Variants in NRXN1 observed in about 807,000 individuals in gnomAD.
NRXN1 encodes neurexin 1, also known as neurexin-1.
Under a neutral mutation model 150.9 loss-of-function variants are expected in NRXN1, and 39 were observed. The observed-to-expected ratio is 0.26, with a 90% CI of 0.20 to 0.34. The LOEUF (loss-of-function observed/expected upper bound fraction) is 0.34, where lower values mean the gene tolerates loss of function less well. NRXN1 is among the 10% of genes least tolerant of loss of function. The probability of loss-of-function intolerance (pLI) is 1.00; values close to 1 mark genes in which losing one functional copy is unlikely to be tolerated. For synonymous variants in NRXN1, 924 were observed against 757.0 expected (o/e 1.22, Z -3.62); for missense variants, 1,815 against 1,949.9 (o/e 0.93, Z 1.30).
intron 14 of NRXN1, among the ~76,000 whole-genome samples, chr2:50,496,442 G>C (rs561370831): frequency 6.6e-6 from 1 of 151,992 alleles, no homozygotes; most frequent in African/African-American, 2.4e-5. Flanking sequence ...CATTCTTCTC[G>C]TTCTTGCACT....
intron 17 of NRXN1, among the ~76,000 whole-genome samples, chr2:50,391,014 TA>T (rs2081654154): frequency 6.6e-6 from 1 of 152,156 alleles, no homozygotes; most frequent in South Asian, 2.1e-4. Flanking sequence ...TTTATTCTAA[TA>T]TGCTCTGGAC....
intron 17 of NRXN1, among the ~76,000 whole-genome samples, chr2:50,351,600 T>C (rs2078416835): frequency 6.8e-6 from 1 of 147,650 alleles, no homozygotes; most frequent in Non-Finnish European, 1.5e-5. Context: ...TATGTGACTC[T>C]AAGAGGCTTT....
At chr2:50,252,062 C>A (rs7580753) in intron 17 of NRXN1, among the ~76,000 whole-genome samples, 62,362 of 151,484 alleles carry the variant, frequency 0.41, 13,046 homozygotes, top group Middle Eastern at 0.46. Flanking sequence ...TCAATGTTTG[C>A]TATTGTTGCC....
intron 5 of NRXN1, among the ~76,000 whole-genome samples, chr2:50,763,416 T>A (rs1400355143): frequency 6.6e-6 from 1 of 151,984 alleles, no homozygotes; most frequent in Non-Finnish European, 1.5e-5. Flanking sequence ...GGTGACTAAG[T>A]AAGATAATGC....
intron 8 of NRXN1, among the ~76,000 whole-genome samples, chr2:50,603,895 T>C (rs532427181): frequency 6.6e-6 from 1 of 152,264 alleles, no homozygotes; most frequent in South Asian, 2.1e-4. Flanking sequence ...GAAGCCAGTT[T>C]TGTTAGTTCC....
intron 5 of NRXN1, among the ~76,000 whole-genome samples, chr2:50,698,232 T>C (rs1225673547): frequency 6.6e-6 from 1 of 152,234 alleles, no homozygotes; most frequent in African/African-American, 2.4e-5. Context: ...TCCTCAAATG[T>C]TGTCCAAGGA....
At chr2:50,185,532 T>C (rs2061009394) in intron 18 of NRXN1, 1 of 152,076 alleles carries the variant, frequency 6.6e-6, no homozygotes. Flanking sequence ...TAGAAATAAA[T>C]GCATGATACC....
At position 50,920,266 on chromosome 2, in the gene NRXN1, G is replaced by A. The variant is rs1685811634; in HGVS notation, c.832+1603C>T. Among the ~76,000 whole-genome samples the A allele has an allele frequency of 4.0e-5, 6 of 151,686 alleles. No homozygotes were observed. The South Asian group carries it at 1.2e-3, about 31-fold the overall frequency. On this transcript the variant is annotated intron_variant, in intron 5 of 22. Coordinates refer to ENST00000401669, the MANE Select transcript of NRXN1 (RefSeq NM_001330078.2). ...CTGGTGAAGTTAAAAAATAATGTTT[G>A]ACACACATGCCAACAGAAAACATTT...
intron 1 of NRXN1, among the ~76,000 whole-genome samples, chr2:51,031,595 T>C (rs1236007370): frequency 6.6e-6 from 1 of 152,140 alleles, no homozygotes; most frequent in Admixed American, 6.6e-5. Flanking sequence ...GCTCCATCTC[T>C]AATACCAGTG....
At chr2:50,007,267 G>C (rs1222686473) in intron 21 of NRXN1, among the ~76,000 whole-genome samples, 1 of 151,994 alleles carries the variant, frequency 6.6e-6, no homozygotes, top group Non-Finnish European at 1.5e-5. Flanking sequence ...GATCATTTGA[G>C]CCCACACATT....
At chr2:50,799,070 A>G (rs747517278) in intron 5 of NRXN1, among the ~76,000 whole-genome samples, 1 of 152,222 alleles carries the variant, frequency 6.6e-6, no homozygotes, top group Admixed American at 6.5e-5. Context: ...TAAGCTGTCT[A>G]TCTATATGTG....
chr2:50,816,291 T>C (rs183710139), intron 5 of NRXN1, among the ~76,000 whole-genome samples: 2 of 152,166 alleles, frequency 1.3e-5, no homozygotes, highest in South Asian at 2.1e-4. Flanking sequence ...AGGAATCTCA[T>C]TGGATATCAT....
chr2:50,490,954 A>G (rs529954766), intron 15 of NRXN1, among the ~76,000 whole-genome samples: 2 of 152,264 alleles, frequency 1.3e-5, no homozygotes, highest in East Asian at 3.9e-4. Flanking sequence ...TATAGACTAA[A>G]AAAAAAAGTA....
chr2:50,902,306 GA>G (rs1322969617), intron 5 of NRXN1, among the ~76,000 whole-genome samples: 1 of 146,450 alleles, frequency 6.8e-6, no homozygotes, highest in African/African-American at 2.5e-5. Flanking sequence ...ACACAAATTA[GA>G]AAAAAAATAA....
chr2:50,863,541 T>TCA (rs1676443303), intron 5 of NRXN1, among the ~76,000 whole-genome samples: 1 of 151,794 alleles, frequency 6.6e-6, no homozygotes, highest in Admixed American at 6.6e-5. Context: ...CCCCATAGCT[T>TCA]CACCAGGTAT....
chr2:50,813,736 T>C (rs1287004547), intron 5 of NRXN1, among the ~76,000 whole-genome samples: 4 of 152,144 alleles, frequency 2.6e-5, no homozygotes, highest in African/African-American at 9.7e-5. Context: ...TGTCCTGAAA[T>C]TGGTTTTAAT....
At chr2:49,929,757 A>G (rs565583343) in intron 22 of NRXN1, among the ~76,000 whole-genome samples, 1 of 152,254 alleles carries the variant, frequency 6.6e-6, no homozygotes, top group South Asian at 2.1e-4. Flanking sequence ...TCCTTCTATC[A>G]ACGAGTATAT....
At chr2:50,241,017 C>T (rs189188370) in intron 17 of NRXN1, among the ~76,000 whole-genome samples, 3 of 151,532 alleles carry the variant, frequency 2.0e-5, no homozygotes, top group Admixed American at 6.6e-5. Flanking sequence ...ACATTCCTAC[C>T]TCGTAATTTT....
chr2:49,926,690 C>A (rs1480312765), intron 22 of NRXN1, among the ~76,000 whole-genome samples: 2 of 152,092 alleles, frequency 1.3e-5, no homozygotes, highest in Non-Finnish European at 2.9e-5. Context: ...TTGTCTTTTG[C>A]TGAGATAGTT....
Sources: allele counts gnomAD v4.1 joint callset (sites outside exome capture counted in the v4.1 genomes callset), GRCh38; gene constraint gnomAD v4.1.1; transcripts MANE v1.5; gene names NCBI Gene and HGNC (gene_info 2026-07-23, HGNC 2026-07-21).